The following CNIH3 variants were observed in gnomAD, a reference collection of about 807,000 sequenced individuals.
CNIH3 encodes the protein cornichon family AMPA receptor auxiliary protein 3.
In CNIH3, 14 loss-of-function variants were observed where a neutral mutation model predicts 24.1. The ratio of observed to expected loss-of-function variants is 0.58; its 90% confidence interval spans 0.38 to 0.91. CNIH3 has a LOEUF of 0.91. Among genes scored for constraint, CNIH3 ranks in the 40% least tolerant of loss-of-function variants. The probability of loss-of-function intolerance (pLI) is 0.00; values close to 1 mark genes in which losing one functional copy is unlikely to be tolerated. For missense variants in CNIH3, 178 were observed against 196.8 expected, an observed-to-expected ratio of 0.90 and a Z score of 0.57; for synonymous variants, 68 against 73.8, an observed-to-expected ratio of 0.92 and a Z score of 0.40.
At chr1:224,608,754 C>T (rs185196345) in intron 3 of CNIH3, among the ~76,000 whole-genome samples, 1 of 152,330 alleles carries the variant, frequency 6.6e-6, no homozygotes, top group East Asian at 1.9e-4. Context: ...CTCCCTTACC[C>T]TGATGCTTCC....
intron 1 of CNIH3, among the ~76,000 whole-genome samples, chr1:224,632,361 C>T (rs1370869732): frequency 6.6e-6 from 1 of 152,016 alleles, no homozygotes; most frequent in Non-Finnish European, 1.5e-5. Flanking sequence ...GAACAGATAC[C>T]TAGGTTATCC....
At chr1:224,631,955 AT>A (rs1291083376) in intron 1 of CNIH3, among the ~76,000 whole-genome samples, 1 of 152,222 alleles carries the variant, frequency 6.6e-6, no homozygotes, top group African/African-American at 2.4e-5. Flanking sequence ...ATTAAAAAAA[AT>A]TTAACTGTGT....
At chr1:224,577,222 G>T (rs6681385) in intron 4 of CNIH3, among the ~76,000 whole-genome samples, 20,877 of 152,006 alleles carry the variant, frequency 0.14, 1,571 homozygotes, top group East Asian at 0.26. Context: ...CTAATTAAAC[G>T]AGAAAGCTAC....
chr1:224,677,982 A>T lies in CNIH3; in HGVS notation c.82-2976A>T, dbSNP rs141709633. Among the ~76,000 whole-genome samples, 1,127 of 152,240 alleles carry T rather than the reference A, an allele frequency of 7.4e-3. 7 individuals carry two copies. Among genetic ancestry groups the T allele is most frequent in the Non-Finnish European group, 0.011 (763 of 68,000 alleles). The stretch of plus-strand genomic sequence containing the variant: ...TAGATAATAGGTGCCAGGAAAACCG[A>T]TGTCAGCCTTACAGGAGCTAGGAAT... On this transcript the variant is annotated intron_variant, in intron 1 of 5. Transcript: ENST00000272133.
At chr1:224,688,046 T>C (rs573504302) in intron 3 of CNIH3, among the ~76,000 whole-genome samples, 32 of 152,272 alleles carry the variant, frequency 2.1e-4, no homozygotes, top group African/African-American at 5.5e-4. Flanking sequence ...GGTTTTTTAA[T>C]GTTAAGGATG....
chr1:224,496,868 C>T (rs1478480155), intron 1 of CNIH3, among the ~76,000 whole-genome samples: 1 of 152,192 alleles, frequency 6.6e-6, no homozygotes, highest in Admixed American at 6.5e-5. Context: ...TATATAAAAA[C>T]TCTAGGAATT....
intron 1 of CNIH3, among the ~76,000 whole-genome samples, chr1:224,470,026 T>C (rs527860061): frequency 3.7e-4 from 56 of 151,786 alleles, no homozygotes; most frequent in African/African-American, 1.3e-3. Context: ...TCTTCTTCTT[T>C]TTTTTTTTTG....
chr1:224,673,591 CCT>C (rs537534824), intron 1 of CNIH3, among the ~76,000 whole-genome samples: 146 of 152,326 alleles, frequency 9.6e-4, no homozygotes, highest in African/African-American at 3.3e-3. Flanking sequence ...TGATCACTTC[CCT>C]CTCTACTCCC....
Position 224,740,141 on chromosome 1 carries a change from T to C in CNIH3, c.*785T>C, listed in dbSNP as rs1366572441. 1 of 152,200 alleles carries C rather than the reference T, an allele frequency of 6.6e-6. No homozygotes were observed. Among genetic ancestry groups the C allele is most frequent in the Non-Finnish European group, 1.5e-5 (1 of 68,046 alleles). The allele number at this position is 152,200 out of a possible 1,614,324, so 9.4% of individuals were successfully genotyped here. ...TGTTCTTACAAAAACCCCAGACAGC[T>C]CAGAGCTCAGAAAATCCTGTGGAGT... On this transcript the variant is annotated 3_prime_UTR_variant, in exon 6 of 6. Transcript: ENST00000272133.
intron 1 of CNIH3, chr1:224,454,392 G>T: frequency 1.2e-6 from 1 of 840,272 alleles, no homozygotes; most frequent in South Asian, 5.5e-5. Context: ...TAATTGAAAT[G>T]TCATAAACCA....
At chr1:224,643,192 G>A (rs1684442641) in intron 1 of CNIH3, among the ~76,000 whole-genome samples, 1 of 152,206 alleles carries the variant, frequency 6.6e-6, no homozygotes, top group South Asian at 2.1e-4. Flanking sequence ...ACCTGCCGAG[G>A]ATCCTGGGCC....
At chr1:224,551,247 G>A (rs1367064613) in intron 3 of CNIH3, among the ~76,000 whole-genome samples, 1 of 152,066 alleles carries the variant, frequency 6.6e-6, no homozygotes, top group Admixed American at 6.6e-5. Flanking sequence ...TATAAATCAT[G>A]CTGCTATAAA....
chr1:224,586,299 G>A (rs1334554700), intron 5 of CNIH3, among the ~76,000 whole-genome samples: 2 of 152,182 alleles, frequency 1.3e-5, no homozygotes, highest in Non-Finnish European at 2.9e-5. Context: ...TGGCTGGGGA[G>A]GCCTCACAGT....
intron 2 of CNIH3, among the ~76,000 whole-genome samples, chr1:224,522,545 C>T (rs759198460): frequency 1.3e-5 from 2 of 152,196 alleles, no homozygotes; most frequent in Admixed American, 6.5e-5. Flanking sequence ...AATACACAAA[C>T]AACTCCAGCA....
At chr1:224,718,627 G>A (rs1295694258) in intron 3 of CNIH3, among the ~76,000 whole-genome samples, 1 of 152,172 alleles carries the variant, frequency 6.6e-6, no homozygotes, top group Non-Finnish European at 1.5e-5. Context: ...GGACCAGTTA[G>A]GAGGAGACGG....
chr1:224,577,634 A>C (rs1037030963), intron 4 of CNIH3, among the ~76,000 whole-genome samples: 2 of 152,194 alleles, frequency 1.3e-5, no homozygotes, highest in Admixed American at 1.3e-4. Context: ...TAGTACAACC[A>C]CTATGGAAAA....
chr1:224,534,758 AC>A (rs1298500082), intron 2 of CNIH3, among the ~76,000 whole-genome samples: 1 of 152,086 alleles, frequency 6.6e-6, no homozygotes, highest in East Asian at 1.9e-4. Flanking sequence ...TTCCACCTGC[AC>A]CCCCTCAAGT....
intron 1 of CNIH3, chr1:224,661,651 C>T (rs1197502626): frequency 2.5e-5 from 7 of 280,336 alleles, no homozygotes; most frequent in African/African-American, 1.1e-4. Context: ...AAATGACTTC[C>T]GCCACGTCCT....
chr1:224,621,820 A>G (rs1683293778), intron 1 of CNIH3, among the ~76,000 whole-genome samples: 1 of 152,156 alleles, frequency 6.6e-6, no homozygotes, highest in Non-Finnish European at 1.5e-5. Flanking sequence ...CTATGTTCAC[A>G]CCCAAATCTC....
Sources: allele counts gnomAD v4.1 joint callset (sites outside exome capture counted in the v4.1 genomes callset), GRCh38; gene constraint gnomAD v4.1.1; transcripts MANE v1.5; gene names NCBI Gene and HGNC (gene_info 2026-07-23, HGNC 2026-07-21).